Variants in ZNF365 observed in about 807,000 individuals in gnomAD.
ZNF365 encodes zinc finger protein 365.
ZNF365 carries 22 observed loss-of-function variants against 35.0 expected under a neutral mutation model. The ratio of observed to expected loss-of-function variants is 0.63; its 90% CI spans 0.45 to 0.90. The LOEUF is 0.90. ZNF365 is among the 40% of genes least tolerant of loss of function. The pLI is 0.00. For missense variants in ZNF365, 448 were observed against 500.3 expected, an observed-to-expected ratio of 0.90 and a Z score of 1.00; for synonymous variants, 188 against 196.2, an observed-to-expected ratio of 0.96 and a Z score of 0.35.
intron 3 of ZNF365, among the ~76,000 whole-genome samples, chr10:62,451,454 G>A (rs1840683113): frequency 6.6e-6 from 1 of 152,106 alleles, no homozygotes; most frequent in Non-Finnish European, 1.5e-5. Flanking sequence ...TCTGTGGAGG[G>A]TGAGGGTTAG....
At chr10:62,449,084 G>A (rs1327731067) in intron 3 of ZNF365, among the ~76,000 whole-genome samples, 1 of 152,188 alleles carries the variant, frequency 6.6e-6, no homozygotes, top group South Asian at 2.1e-4. Flanking sequence ...GAAGGGAAAA[G>A]AGAGGAAAGC....
chr10:62,429,535 C>G (rs1443242638), intron 3 of ZNF365, among the ~76,000 whole-genome samples: 1 of 152,060 alleles, frequency 6.6e-6, no homozygotes, highest in Non-Finnish European at 1.5e-5. Context: ...AGATTGGGGG[C>G]AGGAGGAGTA....
rs1589444692 is a variant in ZNF365, at chr10:62,417,540, G to A, written c.924+28964G>A. ...TCTAAATAAAACCACTGGGACACTT[G>A]CTAATATTCCTCAGATCTCTTTCTC... On this transcript the variant is annotated intron_variant, in intron 3 of 4. Transcript: ENST00000395255. Among the ~76,000 whole-genome samples, 3 of 152,138 alleles carry A rather than the reference G, an allele frequency of 2.0e-5. No individual in the cohort carries two copies. The Middle Eastern group carries it at 0.01, about 517-fold the overall frequency.
At chr10:62,456,017 C>T (rs1322421781) in intron 3 of ZNF365, among the ~76,000 whole-genome samples, 1 of 152,216 alleles carries the variant, frequency 6.6e-6, no homozygotes, top group Non-Finnish European at 1.5e-5. Flanking sequence ...CACTCCACTA[C>T]AGCGTTGTCC....
chr10:62,405,219 G>T (rs1839887811), downstream of ZNF365, among the ~76,000 whole-genome samples: 1 of 152,144 alleles, frequency 6.6e-6, no homozygotes. Flanking sequence ...AGATAAATTG[G>T]CAATGTTGGA....
intron 3 of ZNF365, among the ~76,000 whole-genome samples, chr10:62,390,950 G>A (rs746855930): frequency 2.0e-5 from 3 of 152,180 alleles, no homozygotes; most frequent in African/African-American, 4.8e-5. Context: ...GGAGCTTGCC[G>A]GATTGGAATT....
At chr10:62,443,639 G>A (rs954853112) in intron 3 of ZNF365, among the ~76,000 whole-genome samples, 11 of 152,102 alleles carry the variant, frequency 7.2e-5, no homozygotes, top group Non-Finnish European at 1.3e-4. Context: ...AAATGTGATT[G>A]TAGCTTTGAA....
At chr10:62,379,706 C>G (rs1019260227) in intron 2 of ZNF365, among the ~76,000 whole-genome samples, 2 of 152,172 alleles carry the variant, frequency 1.3e-5, no homozygotes, top group Non-Finnish European at 1.5e-5. Flanking sequence ...ACTGTTAATA[C>G]TGGGTTGATT....
chr10:62,374,380 C>G lies in ZNF365; in HGVS notation c.-92C>G, dbSNP rs1372439820. The stretch of plus-strand genomic sequence containing the variant: ...AGCCGGCCCGGCTCAGTCTGATTTA[C>G]GGCTCTGCTGAAAACCGCTTCGCTC... On this transcript the variant is annotated 5_prime_UTR_variant, in exon 1 of 5. Coordinates refer to ENST00000395254, the MANE Select transcript of ZNF365 (RefSeq NM_014951.3). The G allele has an allele frequency of 6.6e-6, 1 of 152,128 alleles. No homozygotes were observed. Among genetic ancestry groups the G allele is most frequent in the Non-Finnish European group, 1.5e-5 (1 of 68,056 alleles). 9.4% of individuals were successfully genotyped at this position (152,128 alleles called of 1,614,324 possible). A position where few individuals can be genotyped will look rare whatever the true frequency, so the allele number is the denominator to read the frequency against.
chr10:62,379,681 C>G (rs1417513562), intron 2 of ZNF365, among the ~76,000 whole-genome samples: 2 of 152,170 alleles, frequency 1.3e-5, no homozygotes, highest in Non-Finnish European at 2.9e-5. Flanking sequence ...GCAGAGGGAG[C>G]TGCCCACCTG....
chr10:62,410,286 C>T (rs1839966175), intron 3 of ZNF365, among the ~76,000 whole-genome samples: 1 of 152,136 alleles, frequency 6.6e-6, no homozygotes, highest in Admixed American at 6.5e-5. Flanking sequence ...TAAGGGATAG[C>T]TACTGTTGAC....
intron 4 of ZNF365, among the ~76,000 whole-genome samples, chr10:62,472,811 C>T (rs1023268290): frequency 6.6e-6 from 1 of 152,160 alleles, no homozygotes; most frequent in African/African-American, 2.4e-5. Flanking sequence ...ATTTATCACA[C>T]TTTTTGAACT....
At chr10:62,399,084 A>G (rs1172834409) in intron 4 of ZNF365, among the ~76,000 whole-genome samples, 2 of 152,206 alleles carry the variant, frequency 1.3e-5, no homozygotes, top group African/African-American at 4.8e-5. Flanking sequence ...CTATAGTACT[A>G]TTAATGTAGT....
Position 62,400,177 on chromosome 10 carries a change from C to G in ZNF365, c.*388C>G, listed in dbSNP as rs544523412. 1 of 1,011,306 alleles carries G rather than the reference C, an allele frequency of 9.9e-7. No homozygotes were observed. The highest frequency in any genetic ancestry group is 9.3e-5 in the East Asian group (1 of 10,772). The allele number at this position is 1,011,306 out of a possible 1,614,324, so 62.6% of individuals were successfully genotyped here. A position where few individuals can be genotyped will look rare whatever the true frequency, so the allele number is the denominator to read the frequency against. Reference sequence around the variant, plus strand: ...AGAAAATTCATCTGTGCCCACTGCTCTCCAAAGTGCGAGGCAAGGAATGGC... The same window carrying G: ...AGAAAATTCATCTGTGCCCACTGCTGTCCAAAGTGCGAGGCAAGGAATGGC... On this transcript the variant is annotated 3_prime_UTR_variant, in exon 5 of 5. Coordinates refer to ENST00000395254, the MANE Select transcript of ZNF365 (RefSeq NM_014951.3).
intron 3 of ZNF365, among the ~76,000 whole-genome samples, chr10:62,395,412 A>G (rs1175570545): frequency 6.7e-6 from 1 of 148,342 alleles, no homozygotes; most frequent in Non-Finnish European, 1.5e-5. Flanking sequence ...ATCATGGCTC[A>G]CTGCAACCTC....
chr10:62,462,032 T>C (rs1840855971), intron 4 of ZNF365, among the ~76,000 whole-genome samples: 2 of 152,220 alleles, frequency 1.3e-5, no homozygotes, highest in African/African-American at 2.4e-5. Flanking sequence ...TTTTGGTTGT[T>C]GTTCCTTCCT....
At chr10:62,409,585 G>A (rs1589440897) in intron 3 of ZNF365, among the ~76,000 whole-genome samples, 2 of 152,164 alleles carry the variant, frequency 1.3e-5, no homozygotes, top group African/African-American at 4.8e-5. Flanking sequence ...GCACAAAAGG[G>A]TTTTTTTGTA....
At chr10:62,466,380 T>C (rs1840943935) in intron 4 of ZNF365, among the ~76,000 whole-genome samples, 1 of 152,200 alleles carries the variant, frequency 6.6e-6, no homozygotes, top group East Asian at 1.9e-4. Context: ...TGTGCCTGGC[T>C]GTGCACAGCA....
chr10:62,384,151 G>A (rs747172859), intron 2 of ZNF365, among the ~76,000 whole-genome samples: 14 of 150,802 alleles, frequency 9.3e-5, no homozygotes, highest in African/African-American at 1.5e-4. Flanking sequence ...AGATGGGGCC[G>A]GAAGTGGCTT....
Sources: allele counts gnomAD v4.1 joint callset (sites outside exome capture counted in the v4.1 genomes callset), GRCh38; gene constraint gnomAD v4.1.1; transcripts MANE v1.5; gene names NCBI Gene and HGNC (gene_info 2026-07-23, HGNC 2026-07-21).